Variants in BBX observed in about 807,000 individuals in gnomAD.
BBX encodes HMG box transcription factor BBX.
In BBX, 30 loss-of-function variants were observed where a neutral mutation model predicts 100.2. The ratio of observed to expected loss-of-function variants is 0.30; its 90% CI spans 0.22 to 0.41. BBX has a LOEUF of 0.41. Among genes scored for constraint, BBX ranks in the 10% least tolerant of loss-of-function variants. BBX has a pLI of 1.00. For synonymous variants in BBX, 376 were observed against 388.1 expected, an observed-to-expected ratio of 0.97 and a Z score of 0.37; for missense variants, 1,023 against 1,129.8, an observed-to-expected ratio of 0.91 and a Z score of 1.35.
chr3:107,554,257 T>G (rs939241294), intron 2 of BBX, among the ~76,000 whole-genome samples: 5 of 152,208 alleles, frequency 3.3e-5, no homozygotes, highest in African/African-American at 1.2e-4. Context: ...GAATTAGTCA[T>G]TCTTAATTTA....
chr3:107,570,236 T>C (rs1368912203), intron 2 of BBX, among the ~76,000 whole-genome samples: 3 of 152,188 alleles, frequency 2.0e-5, no homozygotes, highest in African/African-American at 7.2e-5. Flanking sequence ...CAGAAATACG[T>C]TGCTACTTGG....
intron 3 of BBX, among the ~76,000 whole-genome samples, chr3:107,664,348 T>C (rs1248128315): frequency 6.6e-6 from 1 of 152,222 alleles, no homozygotes; most frequent in Non-Finnish European, 1.5e-5. Flanking sequence ...AAGTATTCTC[T>C]CTCTCTGGCT....
intron 7 of BBX, among the ~76,000 whole-genome samples, chr3:107,738,256 A>G (rs1028848300): frequency 6.6e-6 from 1 of 152,028 alleles, no homozygotes; most frequent in Non-Finnish European, 1.5e-5. Flanking sequence ...TATAAACTGT[A>G]TAATAAAAGT....
At chr3:107,772,600 G>C (rs1242121395) in intron 10 of BBX, 28 bp from the exon 11 acceptor site, 1 of 1,538,036 alleles carries the variant, frequency 6.5e-7, no homozygotes, top group East Asian at 2.3e-5. Context: ...ACTTTCGGGT[G>C]CTCTCCCATT....
At chr3:107,765,667 T>C (rs1286077515) in intron 10 of BBX, among the ~76,000 whole-genome samples, 4 of 152,176 alleles carry the variant, frequency 2.6e-5, no homozygotes, top group Admixed American at 2.0e-4. Flanking sequence ...CCTTTCTGAC[T>C]ACACAAAACA....
chr3:107,595,739 G>C (rs1418084224), intron 2 of BBX, among the ~76,000 whole-genome samples: 1 of 152,154 alleles, frequency 6.6e-6, no homozygotes, highest in African/African-American at 2.4e-5. Context: ...CAGTGATCCA[G>C]AATGCATATG....
At chr3:107,647,663 G>T (rs193215382) in intron 3 of BBX, among the ~76,000 whole-genome samples, 162 of 152,298 alleles carry the variant, frequency 1.1e-3, no homozygotes, top group African/African-American at 3.5e-3. Flanking sequence ...CTTGGCAAAA[G>T]GATGCCAGGG....
intron 10 of BBX, among the ~76,000 whole-genome samples, chr3:107,769,230 A>G (rs1300768246): frequency 1.1e-5 from 1 of 89,196 alleles, no homozygotes; most frequent in African/African-American, 3.8e-5. Context: ...AGATAGATAG[A>G]CAGATAGATA....
intron 3 of BBX, among the ~76,000 whole-genome samples, chr3:107,649,300 T>C (rs957242912): frequency 6.6e-6 from 1 of 152,048 alleles, no homozygotes; most frequent in Non-Finnish European, 1.5e-5. Flanking sequence ...CATCTGCATA[T>C]CTTAAAAAAA....
intron 9 of BBX, among the ~76,000 whole-genome samples, chr3:107,754,263 T>C (rs1372977389): frequency 6.6e-6 from 1 of 152,174 alleles, no homozygotes; most frequent in African/African-American, 2.4e-5. Context: ...TGTGTTTGTT[T>C]TCTCTTAGTC....
intron 4 of BBX, chr3:107,711,446 T>C (rs2061717214): frequency 2.6e-6 from 1 of 388,792 alleles, no homozygotes; most frequent in Admixed American, 3.2e-5. Context: ...TATAAACATG[T>C]TTTTAATATT....
At chr3:107,614,528 T>A (rs1445837536) in intron 2 of BBX, among the ~76,000 whole-genome samples, 2 of 152,076 alleles carry the variant, frequency 1.3e-5, no homozygotes, top group Admixed American at 6.5e-5. Context: ...TCTTCCTTCT[T>A]CTCTGTGAAG....
intron 2 of BBX, among the ~76,000 whole-genome samples, chr3:107,541,790 G>A (rs1229691690): frequency 6.6e-6 from 1 of 151,146 alleles, no homozygotes; most frequent in Non-Finnish European, 1.5e-5. Context: ...ATTAACTGAT[G>A]TTTTTAAAGA....
In BBX at chr3:107,747,981, C is replaced by T. The variant is rs1355154116; in HGVS notation, c.767C>T (p.Ser256Phe). ...FQFAEISSST[S>F]HSDASTKQCQ... ...TCCTTTCAGATATCTTCAAGTACGTCCCACTCTGATGCTTCTACAAAGCAG... is the reference window on the plus strand; with the variant it reads ...TCCTTTCAGATATCTTCAAGTACGTTCCACTCTGATGCTTCTACAAAGCAG... Residue 256 changes from serine to phenylalanine, a missense_variant, in exon 9 of 18, where the codon TCC becomes TTC. This residue lies in a region of BBX where 95 missense variants were observed against 95.1 expected (regional missense o/e 1.00). Coordinates refer to ENST00000325805, the MANE Select transcript of BBX (RefSeq NM_001142568.3). 1 of 1,613,100 alleles carries T rather than the reference C, an allele frequency of 6.2e-7. No individual in the cohort carries two copies. Among genetic ancestry groups the T allele is most frequent in the East Asian group, 2.2e-5 (1 of 44,804 alleles).
chr3:107,566,156 C>CA (rs139115231), intron 2 of BBX, among the ~76,000 whole-genome samples: 59,519 of 115,704 alleles, frequency 0.51, 14,700 homozygotes, highest in Middle Eastern at 0.66. Context: ...GTCTGGGCAA[C>CA]AAGAGCGAAA....
intron 3 of BBX, among the ~76,000 whole-genome samples, chr3:107,660,583 T>C (rs941549324): frequency 6.6e-6 from 1 of 151,134 alleles, no homozygotes; most frequent in Non-Finnish European, 1.5e-5. Flanking sequence ...TACTGTACTT[T>C]AGACCTTATT....
chr3:107,778,547 A>G lies in BBX; in HGVS notation c.2203+28A>G, dbSNP rs749192247. 3 of 1,607,000 alleles carry G rather than the reference A, an allele frequency of 1.9e-6. No individual in the cohort carries two copies. In the Admixed American group the frequency reaches 5.1e-5, roughly 27 times the overall value. ...TAGGTGTGACCTGTACCTTCCTGCC[A>G]TGTGGTCAGAATCTCAAGTGACCCT... is the stretch of plus-strand genomic sequence containing the variant. On this transcript the variant is annotated intron_variant, in intron 13 of 17. Transcript: ENST00000325805.
chr3:107,625,589 A>T (rs548962859), intron 2 of BBX, among the ~76,000 whole-genome samples: 13 of 152,304 alleles, frequency 8.5e-5, no homozygotes, highest in African/African-American at 3.1e-4. Flanking sequence ...TGGTAATCTA[A>T]TTCTAGATTC....
At chr3:107,769,376 A>G (rs1331795618) in intron 10 of BBX, among the ~76,000 whole-genome samples, 1 of 152,198 alleles carries the variant, frequency 6.6e-6, no homozygotes, top group African/African-American at 2.4e-5. Flanking sequence ...AGCCCAATGT[A>G]GGATGTACTG....
Sources: allele counts gnomAD v4.1 joint callset (sites outside exome capture counted in the v4.1 genomes callset), GRCh38; gene constraint gnomAD v4.1.1; regional missense constraint gnomAD v4.1.1; transcripts MANE v1.5; gene names NCBI Gene and HGNC (gene_info 2026-07-23, HGNC 2026-07-21).